GABBR2: variants seen among roughly 807,000 people sequenced by gnomAD.
The protein encoded by GABBR2 is G-protein coupled receptor 51.
Under a neutral mutation model 105.6 loss-of-function variants are expected in GABBR2, and 23 were observed. That is an observed-to-expected ratio of 0.22 (90% CI 0.16 to 0.31). The LOEUF is 0.31. Ranked by LOEUF, GABBR2 falls within the 10% of genes least tolerant of loss-of-function variation. The pLI is 1.00. For missense variants in GABBR2, 734 were observed against 1,245.5 expected, an observed-to-expected ratio of 0.59 and a Z score of 6.18; for synonymous variants, 478 against 499.7, an observed-to-expected ratio of 0.96 and a Z score of 0.58.
At chr9:98,517,101 G>A (rs371692110) in intron 3 of GABBR2, among the ~76,000 whole-genome samples, 51 of 152,248 alleles carry the variant, frequency 3.3e-4, no homozygotes, top group South Asian at 2.9e-3. Context: ...CACTCATTCC[G>A]GATTTGCCCT....
chr9:98,415,811 G>T (rs1242206333), intron 7 of GABBR2, among the ~76,000 whole-genome samples: 2 of 152,122 alleles, frequency 1.3e-5, no homozygotes, highest in Non-Finnish European at 2.9e-5. Context: ...AAAAGGACTG[G>T]GACCCACCTC....
intron 1 of GABBR2, among the ~76,000 whole-genome samples, chr9:98,600,900 A>C (rs2131804581): frequency 6.6e-6 from 1 of 152,290 alleles, no homozygotes; most frequent in South Asian, 2.1e-4. Flanking sequence ...CTCCCTTCAG[A>C]GTGATCTCCC....
chr9:98,316,458 G>T (rs116374562), intron 13 of GABBR2, among the ~76,000 whole-genome samples: 2,342 of 128,412 alleles, frequency 0.018, 57 homozygotes, highest in African/African-American at 0.06. Context: ...GGCCACTTTT[G>T]TTATTTTTCT....
chr9:98,606,813 T>A (rs975739754), intron 1 of GABBR2: 18 of 328,058 alleles, frequency 5.5e-5, no homozygotes, highest in African/African-American at 1.5e-4. Flanking sequence ...TTTCCTTTTT[T>A]AAAAAAAAAG....
chr9:98,683,997 G>A (rs1327875450), intron 1 of GABBR2, among the ~76,000 whole-genome samples: 1 of 117,784 alleles, frequency 8.5e-6, no homozygotes, highest in Non-Finnish European at 1.7e-5. Flanking sequence ...GACAGAGCGA[G>A]ACTCCATCTC....
chr9:98,377,672 G>A (rs557857034), intron 11 of GABBR2, among the ~76,000 whole-genome samples: 94 of 152,276 alleles, frequency 6.2e-4, no homozygotes, highest in African/African-American at 2.2e-3. Context: ...GGTTGGAGTG[G>A]CCCACATGTG....
At chr9:98,582,222 G>T (rs1454399168) in intron 1 of GABBR2, among the ~76,000 whole-genome samples, 3 of 152,194 alleles carry the variant, frequency 2.0e-5, no homozygotes, top group Non-Finnish European at 2.9e-5. Context: ...GTCCTTAAAA[G>T]CAGATCTTTC....
Position 98,590,605 on chromosome 9 carries a change from T to A in GABBR2, c.322-12533A>T, listed in dbSNP as rs547454007. On this transcript the variant is annotated intron_variant, in intron 1 of 18. Coordinates refer to ENST00000259455, the MANE Select transcript of GABBR2 (RefSeq NM_005458.8). ...GCCGATCAGGAGAGGGGTGCTCTTT[T>A]CTGCAGGTTTGTGCAAATATCACAT... 1.1e-4 allele frequency among the ~76,000 whole-genome samples: 16 copies of A among 152,378 alleles called. 1 individual carries two copies. In the South Asian group the frequency reaches 3.3e-3, roughly 32 times the overall value.
At chr9:98,685,856 A>G (rs1401931213) in intron 1 of GABBR2, among the ~76,000 whole-genome samples, 1 of 151,824 alleles carries the variant, frequency 6.6e-6, no homozygotes, top group Non-Finnish European at 1.5e-5. Context: ...CATCATCCCC[A>G]GCTAATTTTT....
intron 13 of GABBR2, among the ~76,000 whole-genome samples, chr9:98,339,835 A>G (rs149364418): frequency 6.6e-6 from 1 of 152,320 alleles, no homozygotes; most frequent in East Asian, 1.9e-4. Context: ...TGGTATTTGT[A>G]CAGCAACCAA....
chr9:98,290,737 C>T lies in GABBR2; in HGVS notation c.2673G>A (p.Arg891=). 2.7e-6 allele frequency: 4 copies of T among 1,484,818 alleles called. No individual in the cohort carries two copies. Among genetic ancestry groups the T allele is most frequent in the Non-Finnish European group, 2.7e-6 (3 of 1,128,474 alleles). 92.0% of individuals were successfully genotyped at this position (1,484,818 alleles called of 1,614,324 possible). ...GGAGGATGGGGAGCTGGAGGGACAG[C>T]CGACGCTGGATGCTGAAGAGAAGGA... The part of the protein sequence containing the change: ...DINSPEHIQR[R]LSLQLPILHH... Residue 891 remains arginine, a synonymous_variant, in exon 19 of 19, where the codon CGG becomes CGA. Coordinates refer to ENST00000259455, the MANE Select transcript of GABBR2 (RefSeq NM_005458.8).
intron 1 of GABBR2, among the ~76,000 whole-genome samples, chr9:98,610,539 G>A (rs1829490777): frequency 6.6e-6 from 1 of 152,202 alleles, no homozygotes. Flanking sequence ...AGCTTATCCT[G>A]TAATATTCAG....
chr9:98,649,988 C>G (rs1203174167), intron 1 of GABBR2, among the ~76,000 whole-genome samples: 1 of 152,218 alleles, frequency 6.6e-6, no homozygotes, highest in Non-Finnish European at 1.5e-5. Flanking sequence ...TGGATTTACA[C>G]TGACTTCAGT....
chr9:98,503,295 G>T (rs1319812152), intron 3 of GABBR2, among the ~76,000 whole-genome samples: 1 of 152,208 alleles, frequency 6.6e-6, no homozygotes, highest in Non-Finnish European at 1.5e-5. Context: ...GGGCTTGAGG[G>T]AGGCTGTCGG....
At chr9:98,587,573 C>T (rs1450354377) in intron 1 of GABBR2, among the ~76,000 whole-genome samples, 2 of 152,172 alleles carry the variant, frequency 1.3e-5, no homozygotes, top group Non-Finnish European at 2.9e-5. Flanking sequence ...GAGCCAGACC[C>T]ATTTAACATG....
At chr9:98,611,508 C>T (rs897020673) in intron 1 of GABBR2, among the ~76,000 whole-genome samples, 1 of 150,500 alleles carries the variant, frequency 6.6e-6, no homozygotes, top group Non-Finnish European at 1.5e-5. Flanking sequence ...TTGGAAGATT[C>T]CTATATCCCA....
chr9:98,699,349 C>G (rs555108088), intron 1 of GABBR2, among the ~76,000 whole-genome samples: 1 of 152,186 alleles, frequency 6.6e-6, no homozygotes, highest in African/African-American at 2.4e-5. Flanking sequence ...AGCACCCTTT[C>G]CCCTTTTACA....
At chr9:98,518,557 C>A (rs112232739) in intron 3 of GABBR2, among the ~76,000 whole-genome samples, 71 of 152,294 alleles carry the variant, frequency 4.7e-4, no homozygotes, top group African/African-American at 1.7e-3. Context: ...ATGCACTCAC[C>A]CCTTGTGAAC....
chr9:98,544,451 C>A (rs1453521011), intron 2 of GABBR2, among the ~76,000 whole-genome samples: 1 of 152,134 alleles, frequency 6.6e-6, no homozygotes, highest in Non-Finnish European at 1.5e-5. Context: ...TAAGATCCAA[C>A]AGAGAGACAC....
Sources: gnomAD v4.1 joint callset for allele counts (sites outside exome capture counted in the v4.1 genomes callset) on GRCh38, gnomAD v4.1.1 for gene constraint, MANE v1.5 for transcripts, NCBI Gene and HGNC (gene_info 2026-07-23, HGNC 2026-07-21) for gene names.